CXCL13: variants seen among roughly 807,000 people sequenced by gnomAD.
CXCL13 encodes C-X-C motif chemokine 13.
Under a neutral mutation model 12.2 loss-of-function variants are expected in CXCL13, and 7 were observed. That is an observed-to-expected ratio of 0.57 (90% CI 0.33 to 1.07). The LOEUF is 1.07. Among genes scored for constraint, CXCL13 ranks in the 50% least tolerant of loss-of-function variants. The probability of loss-of-function intolerance (pLI) is 0.04; values close to 1 mark genes in which losing one functional copy is unlikely to be tolerated. For synonymous variants in CXCL13, 47 were observed against 42.4 expected (o/e 1.11, Z -0.42); for missense variants, 113 against 127.4 (o/e 0.89, Z 0.55).
intron 1 of CXCL13, among the ~76,000 whole-genome samples, chr4:77,520,752 G>T (rs1371258372): frequency 6.6e-6 from 1 of 152,148 alleles, no homozygotes; most frequent in Non-Finnish European, 1.5e-5. Flanking sequence ...CCAACATTAT[G>T]TTGAATAGGA....
chr4:77,564,344 G>A (rs1725877036), intron 1 of CXCL13, among the ~76,000 whole-genome samples: 1 of 152,230 alleles, frequency 6.6e-6, no homozygotes, highest in Non-Finnish European at 1.5e-5. Flanking sequence ...TACATATGCA[G>A]AGGAGCAGGC....
At chr4:77,531,551 G>A (rs1028884694) in intron 1 of CXCL13, among the ~76,000 whole-genome samples, 13 of 152,188 alleles carry the variant, frequency 8.5e-5, no homozygotes, top group African/African-American at 2.9e-4. Context: ...TTCTGTAGGT[G>A]TCTATTAGGT....
At chr4:77,604,059 T>A (rs1726948793), upstream of CXCL13, among the ~76,000 whole-genome samples, 1 of 152,152 alleles carries the variant, frequency 6.6e-6, no homozygotes. Context: ...AACTCTCTCT[T>A]AAAGAAATAA....
intron 1 of CXCL13, among the ~76,000 whole-genome samples, chr4:77,525,559 G>A (rs1186725830): frequency 6.6e-6 from 1 of 152,032 alleles, no homozygotes; most frequent in African/African-American, 2.4e-5. Flanking sequence ...TAGCTCTCAT[G>A]GCTGGTCAGC....
rs932736905 is a variant in CXCL13, at chr4:77,596,837, C to T, written c.-42-8987C>T. Reference sequence around the variant, plus strand: ...AAAGAAGAAAAGAAAGAAGTCAATACCCTGAAGAGATATCTGCATCCACAC... The same window carrying T: ...AAAGAAGAAAAGAAAGAAGTCAATATCCTGAAGAGATATCTGCATCCACAC... On this transcript the variant is annotated intron_variant, in intron 1 of 4. Coordinates refer to the CXCL13 transcript ENST00000286758. Among the ~76,000 whole-genome samples the T allele has an allele frequency of 2.0e-5, 3 of 150,052 alleles. No individual in the cohort carries two copies. In the East Asian group the frequency reaches 5.9e-4, roughly 29 times the overall value.
chr4:77,582,155 C>T (rs554742223), intron 1 of CXCL13, among the ~76,000 whole-genome samples: 1 of 152,308 alleles, frequency 6.6e-6, no homozygotes, highest in East Asian at 1.9e-4. Context: ...CCAGACAGAG[C>T]TCTTCTGATC....
chr4:77,570,603 A>G (rs1726046549), intron 1 of CXCL13, among the ~76,000 whole-genome samples: 2 of 152,100 alleles, frequency 1.3e-5, no homozygotes, highest in African/African-American at 4.8e-5. Flanking sequence ...GCACCGTGGG[A>G]GCCCCTTTCT....
chr4:77,550,933 A>C (rs948676949), intron 1 of CXCL13, among the ~76,000 whole-genome samples: 1 of 152,118 alleles, frequency 6.6e-6, no homozygotes, highest in African/African-American at 2.4e-5. Flanking sequence ...GTATTATCTA[A>C]TATAAGAATA....
At chr4:77,549,979 A>G (rs1725468497) in intron 1 of CXCL13, among the ~76,000 whole-genome samples, 1 of 152,132 alleles carries the variant, frequency 6.6e-6, no homozygotes, top group Non-Finnish European at 1.5e-5. Flanking sequence ...GACCTCCTTG[A>G]GCTGTGGTGG....
At chr4:77,529,842 C>T (rs1226916089) in intron 1 of CXCL13, among the ~76,000 whole-genome samples, 2 of 152,166 alleles carry the variant, frequency 1.3e-5, no homozygotes, top group East Asian at 1.9e-4. Context: ...GAGGGCATCC[C>T]TGTCTTGTGC....
intron 1 of CXCL13, among the ~76,000 whole-genome samples, chr4:77,541,260 A>G (rs1395387879): frequency 6.6e-6 from 1 of 152,136 alleles, no homozygotes; most frequent in Non-Finnish European, 1.5e-5. Flanking sequence ...TAGTTCATTT[A>G]GGTCCCAGTT....
chr4:77,549,903 G>A (rs957254846), intron 1 of CXCL13, among the ~76,000 whole-genome samples: 3 of 152,250 alleles, frequency 2.0e-5, no homozygotes, highest in Admixed American at 6.5e-5. Context: ...TAAGTCTGCA[G>A]AAGTTTCTGT....
intron 1 of CXCL13, among the ~76,000 whole-genome samples, chr4:77,522,514 CTTTTTTTTTTTTTTT>C (rs777857811): frequency 5.0e-4 from 5 of 10,090 alleles, no homozygotes; most frequent in Non-Finnish European, 8.1e-4. Flanking sequence ...GCAACCCCTG[CTTTTTTTTTTTTTTT>C]TTTTTTTTTT....
chr4:77,602,751 T>C (rs1253498589), upstream of CXCL13, among the ~76,000 whole-genome samples: 1 of 152,230 alleles, frequency 6.6e-6, no homozygotes, highest in African/African-American at 2.4e-5. Flanking sequence ...AGGGTATCTA[T>C]AAAATCTATT....
At chr4:77,529,514 G>C (rs375520386) in intron 1 of CXCL13, among the ~76,000 whole-genome samples, 4 of 151,996 alleles carry the variant, frequency 2.6e-5, no homozygotes, top group African/African-American at 4.8e-5. Context: ...AAGTTGGATT[G>C]CTAGGTATTT....
rs183064016 is a variant in CXCL13 at position 77,549,576 on chromosome 4, C to T, written c.-43+37788C>T. On this transcript the variant is annotated intron_variant, in intron 1 of 4. Transcript: ENST00000286758. ...TATTCCTTTCTGTTTGTTAGTTTTA[C>T]TTCTAACAGTCAGGACCCTCAGCTG... 1.4e-4 allele frequency among the ~76,000 whole-genome samples: 22 copies of T among 152,300 alleles called. No homozygotes were observed. In the East Asian group the frequency reaches 4.2e-3, roughly 29 times the overall value.
At chr4:77,522,552 A>ATTTTTTTTTTTTTTTTTTTTTTTTT (rs1724637360) in intron 1 of CXCL13, among the ~76,000 whole-genome samples, 1 of 39,064 alleles carries the variant, frequency 2.6e-5, no homozygotes, top group African/African-American at 1.2e-4. Context: ...TTTGCTTTCC[A>ATTTTTTTTTTTTTTTTTTTTTTTTT]TTTGCTTGCT....
At chr4:77,542,147 A>C (rs1025950955) in intron 1 of CXCL13, among the ~76,000 whole-genome samples, 1 of 152,160 alleles carries the variant, frequency 6.6e-6, no homozygotes, top group Admixed American at 6.6e-5. Flanking sequence ...GAATCATATC[A>C]TCAGAGAAGA....
upstream of CXCL13, among the ~76,000 whole-genome samples, chr4:77,605,434 C>T (rs79278599): frequency 0.013 from 1,929 of 152,280 alleles, 39 homozygotes; most frequent in African/African-American, 0.042. Context: ...ATGCGCTCGA[C>T]GGAGTCCCCA....
Sources: gnomAD v4.1 joint callset for allele counts (sites outside exome capture counted in the v4.1 genomes callset) on GRCh38, gnomAD v4.1.1 for gene constraint, MANE v1.5 for transcripts, NCBI Gene and HGNC (gene_info 2026-07-23, HGNC 2026-07-21) for gene names.